ESRRG: variants seen among roughly 807,000 people sequenced by gnomAD.
The protein encoded by ESRRG is estrogen related receptor gamma.
In ESRRG, 13 loss-of-function variants were observed where a neutral mutation model predicts 44.0. That is an observed-to-expected ratio of 0.30 (90% CI 0.19 to 0.47). The LOEUF (loss-of-function observed/expected upper bound fraction) is 0.47, where lower values mean the gene tolerates loss of function less well. ESRRG is among the 20% of genes least tolerant of loss of function. ESRRG has a pLI of 1.00. For missense variants in ESRRG, 395 were observed against 580.6 expected (o/e 0.68, Z 3.29); for synonymous variants, 215 against 214.6 (o/e 1.00, Z -0.02).
At chr1:216,610,718 CAT>C (rs1368637070) in intron 3 of ESRRG, among the ~76,000 whole-genome samples, 1 of 151,780 alleles carries the variant, frequency 6.6e-6, no homozygotes, top group Non-Finnish European at 1.5e-5. Context: ...TGTATATGTA[CAT>C]GTGTGTATTT....
chr1:216,553,125 A>G (rs1365284984), intron 5 of ESRRG, among the ~76,000 whole-genome samples: 1 of 151,762 alleles, frequency 6.6e-6, no homozygotes, highest in Non-Finnish European at 1.5e-5. Context: ...TTTTTTCCTA[A>G]AATGCTGACC....
At chr1:217,063,742 A>C (rs2089059468) in intron 1 of ESRRG, among the ~76,000 whole-genome samples, 2 of 152,206 alleles carry the variant, frequency 1.3e-5, no homozygotes. Context: ...GAATCATAAG[A>C]GGTGTTTCTA....
chr1:216,890,531 A>G (rs906828338), intron 2 of ESRRG, among the ~76,000 whole-genome samples: 6 of 152,204 alleles, frequency 3.9e-5, no homozygotes, highest in African/African-American at 1.4e-4. Context: ...GACCACTATG[A>G]TATAATAAAT....
chr1:217,073,484 G>T (rs1390019544), intron 1 of ESRRG, among the ~76,000 whole-genome samples: 1 of 152,094 alleles, frequency 6.6e-6, no homozygotes, highest in African/African-American at 2.4e-5. Flanking sequence ...TAGTTACTGA[G>T]CAAGGCTTCC....
chr1:216,606,220 A>T (rs1473738624), intron 3 of ESRRG, among the ~76,000 whole-genome samples: 1 of 152,196 alleles, frequency 6.6e-6, no homozygotes. Flanking sequence ...TAGATTCAAT[A>T]ATACAAGAGG....
At chr1:217,119,152 G>A (rs370124024) in intron 1 of ESRRG, among the ~76,000 whole-genome samples, 2 of 152,112 alleles carry the variant, frequency 1.3e-5, no homozygotes, top group East Asian at 3.9e-4. Flanking sequence ...TGCCAATTTG[G>A]GTTAATGCAA....
At chr1:216,934,476 A>G (rs1298827491) in intron 2 of ESRRG, among the ~76,000 whole-genome samples, 2 of 151,942 alleles carry the variant, frequency 1.3e-5, no homozygotes, top group Non-Finnish European at 2.9e-5. Flanking sequence ...TTTCTGAAGA[A>G]AAGGTTTAAT....
chr1:216,979,263 T>A (rs1471508999), intron 1 of ESRRG, among the ~76,000 whole-genome samples: 1 of 152,114 alleles, frequency 6.6e-6, no homozygotes, highest in Non-Finnish European at 1.5e-5. Flanking sequence ...TAATGTGTGA[T>A]TCAGGATTGG....
chr1:216,999,546 A>G (rs941968982), intron 1 of ESRRG, among the ~76,000 whole-genome samples: 2 of 152,158 alleles, frequency 1.3e-5, no homozygotes, highest in Non-Finnish European at 2.9e-5. Flanking sequence ...TCCCAGGTCT[A>G]TCGGACTCCA....
At chr1:216,676,250 T>A (rs11117656) in intron 2 of ESRRG, among the ~76,000 whole-genome samples, 25,757 of 152,120 alleles carry the variant, frequency 0.17, 2,567 homozygotes, top group East Asian at 0.32. Context: ...TAAAAGGGCA[T>A]AAACAAATTT....
chr1:216,563,843 A>T (rs1004070858), intron 5 of ESRRG, among the ~76,000 whole-genome samples: 1 of 152,218 alleles, frequency 6.6e-6, no homozygotes, highest in Non-Finnish European at 1.5e-5. Flanking sequence ...TAGTTGGGAA[A>T]ATAGTACATT....
chr1:216,549,031 A>G (rs1222329234), intron 5 of ESRRG, among the ~76,000 whole-genome samples: 1 of 152,164 alleles, frequency 6.6e-6, no homozygotes, highest in Non-Finnish European at 1.5e-5. Context: ...AACTGTATAG[A>G]ACATGACAAA....
At chr1:216,972,100 A>C (rs1471179426) in intron 1 of ESRRG, among the ~76,000 whole-genome samples, 1 of 152,152 alleles carries the variant, frequency 6.6e-6, no homozygotes, top group Non-Finnish European at 1.5e-5. Context: ...AGATAGTTCA[A>C]CTTGCACTTT....
intron 1 of ESRRG, among the ~76,000 whole-genome samples, chr1:217,014,988 A>G (rs2079129124): frequency 2.0e-5 from 3 of 152,270 alleles, no homozygotes; most frequent in Middle Eastern, 3.4e-3. Flanking sequence ...TCCAAGCATC[A>G]CTTAGAAAAA....
intron 3 of ESRRG, among the ~76,000 whole-genome samples, chr1:216,630,078 A>G (rs1472593058): frequency 1.3e-5 from 2 of 152,182 alleles, no homozygotes; most frequent in African/African-American, 4.8e-5. Context: ...CACTGAAAAC[A>G]TTGGGGAAGT....
intron 2 of ESRRG, among the ~76,000 whole-genome samples, chr1:216,881,713 C>T (rs1042148923): frequency 3.3e-5 from 5 of 151,970 alleles, no homozygotes; most frequent in South Asian, 2.1e-4. Context: ...AATGATAATC[C>T]GACGTTAAGG....
At chr1:216,662,852 A>G (rs912359540) in intron 2 of ESRRG, among the ~76,000 whole-genome samples, 2 of 152,210 alleles carry the variant, frequency 1.3e-5, no homozygotes, top group Non-Finnish European at 2.9e-5. Flanking sequence ...CACAGACCAT[A>G]CTAGAATAGG....
chr1:216,883,862 G>A (rs112612312), intron 2 of ESRRG, among the ~76,000 whole-genome samples: 1 of 151,860 alleles, frequency 6.6e-6, no homozygotes, highest in East Asian at 1.9e-4. Context: ...TTCAAATCTG[G>A]AAGCAAGATA....
At chr1:217,021,029 T>TC (rs1049481427) in intron 1 of ESRRG, among the ~76,000 whole-genome samples, 14 of 133,302 alleles carry the variant, frequency 1.1e-4, no homozygotes, top group Admixed American at 5.5e-4. Flanking sequence ...AACCCCCCCA[T>TC]CCCCCAACCC....
Sources: allele counts gnomAD v4.1 joint callset (sites outside exome capture counted in the v4.1 genomes callset), GRCh38; gene constraint gnomAD v4.1.1; transcripts MANE v1.5; gene names NCBI Gene and HGNC (gene_info 2026-07-23, HGNC 2026-07-21).